Variants in PACRG observed in about 807,000 individuals in gnomAD.
PACRG encodes parkin coregulated, also known as parkin coregulated gene protein.
PACRG carries 29 observed loss-of-function variants against 29.7 expected under a neutral mutation model. That is an observed-to-expected ratio of 0.98 (90% CI 0.73 to 1.33). The LOEUF (loss-of-function observed/expected upper bound fraction) is 1.33, where lower values mean the gene tolerates loss of function less well. Among genes scored for constraint, PACRG ranks in the 40% most tolerant of loss-of-function variants. The pLI is 0.00. For missense variants in PACRG, 279 were observed against 316.2 expected, an observed-to-expected ratio of 0.88 and a Z score of 0.89; for synonymous variants, 116 against 118.7, an observed-to-expected ratio of 0.98 and a Z score of 0.15.
intron 1 of PACRG, among the ~76,000 whole-genome samples, chr6:162,753,627 T>C (rs1218762985): frequency 1.3e-5 from 2 of 151,916 alleles, no homozygotes; most frequent in Admixed American, 1.3e-4. Flanking sequence ...TAGTGGGAGA[T>C]GATTGGATCA....
At chr6:162,791,933 T>C (rs1430020015) in intron 1 of PACRG, among the ~76,000 whole-genome samples, 2 of 152,106 alleles carry the variant, frequency 1.3e-5, no homozygotes, top group Non-Finnish European at 2.9e-5. Flanking sequence ...GACGGGTGTG[T>C]AGATGTGGTG....
At chr6:163,156,037 C>T (rs1375826196) in intron 4 of PACRG, among the ~76,000 whole-genome samples, 3 of 152,338 alleles carry the variant, frequency 2.0e-5, no homozygotes, top group Admixed American at 2.0e-4. Flanking sequence ...AGGGGCCCTT[C>T]GCAGCGCTCT....
chr6:163,059,198 C>CT (rs1810886116), intron 2 of PACRG, among the ~76,000 whole-genome samples: 2 of 152,084 alleles, frequency 1.3e-5, no homozygotes, highest in Non-Finnish European at 2.9e-5. Flanking sequence ...TTTCTTTTCT[C>CT]TTTCTCAATC....
chr6:162,956,326 C>T (rs555093104), intron 2 of PACRG, among the ~76,000 whole-genome samples: 20 of 152,290 alleles, frequency 1.3e-4, no homozygotes, highest in African/African-American at 3.4e-4. Flanking sequence ...TGTTAGTCTA[C>T]GGTGACAGTT....
chr6:162,933,601 C>CTTTTTTTTTTTTTTTTTTTTTTTTTTT (rs71008119), intron 2 of PACRG, among the ~76,000 whole-genome samples: 1 of 74,614 alleles, frequency 1.3e-5, no homozygotes, highest in Non-Finnish European at 2.4e-5. Flanking sequence ...CTTTCTGTAT[C>CTTTTTTTTTTTTTTTTTTTTTTTTTTT]TTTTTTTTTT....
At chr6:163,037,206 G>A (rs537753857) in intron 2 of PACRG, among the ~76,000 whole-genome samples, 5 of 152,314 alleles carry the variant, frequency 3.3e-5, no homozygotes, top group East Asian at 1.9e-4. Context: ...AAGCCCGTCC[G>A]AGGGTCTCAG....
chr6:163,098,776 A>G (rs1814829078), intron 4 of PACRG, among the ~76,000 whole-genome samples: 1 of 152,182 alleles, frequency 6.6e-6, no homozygotes, highest in Admixed American at 6.5e-5. Flanking sequence ...CTGGTTGCCC[A>G]TTTTTATGGT....
At chr6:162,732,176 C>T (rs755542339) in intron 1 of PACRG, among the ~76,000 whole-genome samples, 14 of 152,138 alleles carry the variant, frequency 9.2e-5, no homozygotes, top group Non-Finnish European at 1.8e-4. Context: ...CCTATGAAAG[C>T]TTGACCCATG....
chr6:163,136,508 A>G (rs533522936), intron 4 of PACRG, among the ~76,000 whole-genome samples: 1 of 152,362 alleles, frequency 6.6e-6, no homozygotes, highest in East Asian at 1.9e-4. Context: ...TCAGAAACAA[A>G]GTGCATATCT....
chr6:163,259,495 A>G (rs147012517), intron 4 of PACRG, among the ~76,000 whole-genome samples: 14 of 152,250 alleles, frequency 9.2e-5, no homozygotes, highest in Non-Finnish European at 1.5e-4. Context: ...CATCTGGCCC[A>G]GAAGCCTCCA....
At position 162,759,224 on chromosome 6, in the gene PACRG, G is replaced by A. The variant is rs148217705; in HGVS notation, c.156+30833G>A. Among the ~76,000 whole-genome samples, 161 of 152,240 alleles carry A rather than the reference G, an allele frequency of 1.1e-3. 2 individuals are homozygous for A. In the East Asian group the frequency reaches 0.028, roughly 27 times the overall value. On this transcript the variant is annotated intron_variant, in intron 1 of 4. Transcript: ENST00000366888. ...AGATTCCGTTGAAGAAAACAAATTG[G>A]CACTACAAGGAGTAAGAATGCTTTT...
At chr6:163,047,305 T>C (rs73783998) in intron 2 of PACRG, among the ~76,000 whole-genome samples, 1,866 of 152,324 alleles carry the variant, frequency 0.012, 44 homozygotes, top group African/African-American at 0.042. Context: ...ATTATACAGA[T>C]ATGTGATCAA....
intron 2 of PACRG, among the ~76,000 whole-genome samples, chr6:163,009,680 T>C (rs1584998937): frequency 6.6e-6 from 1 of 152,196 alleles, no homozygotes; most frequent in South Asian, 2.1e-4. Context: ...TGATGAACAA[T>C]AAGCTAATTA....
At chr6:162,807,560 G>T (rs1165148304) in intron 1 of PACRG, among the ~76,000 whole-genome samples, 1 of 152,144 alleles carries the variant, frequency 6.6e-6, no homozygotes, top group Non-Finnish European at 1.5e-5. Context: ...AATTGGTGGA[G>T]CAGTTAGAAC....
At chr6:163,143,841 G>A (rs1251931390) in intron 4 of PACRG, among the ~76,000 whole-genome samples, 4 of 152,252 alleles carry the variant, frequency 2.6e-5, no homozygotes, top group African/African-American at 4.8e-5. Flanking sequence ...GAGAGGGGAC[G>A]GGGAGGAAAG....
chr6:163,053,281 G>A (rs1016267801), intron 2 of PACRG, among the ~76,000 whole-genome samples: 4 of 152,244 alleles, frequency 2.6e-5, no homozygotes, highest in East Asian at 1.9e-4. Flanking sequence ...CAGTCACAGT[G>A]TGACAGACAC....
At chr6:163,104,741 G>A in intron 4 of PACRG, among the ~76,000 whole-genome samples, 1 of 152,024 alleles carries the variant, frequency 6.6e-6, no homozygotes, top group East Asian at 1.9e-4. Flanking sequence ...ATTTGTTTTA[G>A]GTGCAATTGT....
At chr6:163,130,092 G>A (rs1411518063) in intron 4 of PACRG, among the ~76,000 whole-genome samples, 2 of 152,166 alleles carry the variant, frequency 1.3e-5, no homozygotes, top group Non-Finnish European at 2.9e-5. Flanking sequence ...GGCAAAATAA[G>A]CATTGTCTTA....
At chr6:162,752,736 C>T (rs1179084727) in intron 1 of PACRG, among the ~76,000 whole-genome samples, 2 of 152,054 alleles carry the variant, frequency 1.3e-5, no homozygotes, top group Non-Finnish European at 2.9e-5. Context: ...GTTTGATTTT[C>T]GTATGTAGTA....
Sources: gnomAD v4.1 joint callset for allele counts (sites outside exome capture counted in the v4.1 genomes callset) on GRCh38, gnomAD v4.1.1 for gene constraint, MANE v1.5 for transcripts, NCBI Gene and HGNC (gene_info 2026-07-23, HGNC 2026-07-21) for gene names.